The following SNTG2 variants were observed in gnomAD, a reference collection of about 807,000 sequenced individuals.
SNTG2 encodes syntrophin gamma 2, also known as gamma-2-syntrophin.
A neutral mutation model predicts 70.9 loss-of-function variants in SNTG2; 74 were observed. That is an observed-to-expected ratio of 1.04 (90% CI 0.86 to 1.27). SNTG2 has a LOEUF of 1.27. Ranked by LOEUF, SNTG2 falls within the 50% of genes most tolerant of loss-of-function variation. The pLI is 0.00. For missense variants in SNTG2, 717 were observed against 690.7 expected, an observed-to-expected ratio of 1.04 and a Z score of -0.43; for synonymous variants, 278 against 273.8, an observed-to-expected ratio of 1.02 and a Z score of -0.15.
chr2:1,300,608 C>T (rs73177779), intron 14 of SNTG2, among the ~76,000 whole-genome samples: 2,880 of 152,240 alleles, frequency 0.019, 96 homozygotes, highest in African/African-American at 0.066. Flanking sequence ...CCTTCCCATA[C>T]CCCATCCTGA....
chr2:1,310,419 G>A (rs1680922938), intron 15 of SNTG2, among the ~76,000 whole-genome samples: 1 of 152,198 alleles, frequency 6.6e-6, no homozygotes, highest in South Asian at 2.1e-4. Flanking sequence ...TTGTGATTCT[G>A]CTAGAGGGTC....
intron 16 of SNTG2, among the ~76,000 whole-genome samples, chr2:1,334,181 C>A (rs1270028773): frequency 1.3e-5 from 2 of 152,060 alleles, no homozygotes; most frequent in Non-Finnish European, 2.9e-5. Context: ...GGCCAACAAA[C>A]ATATGAAAAA....
At chr2:1,337,085 A>G (rs150467781) in intron 16 of SNTG2, among the ~76,000 whole-genome samples, 51 of 152,228 alleles carry the variant, frequency 3.4e-4, no homozygotes, top group African/African-American at 1.2e-3. Flanking sequence ...ATATTCCATT[A>G]TATGCATATA....
chr2:1,060,914 G>GA (rs1662778046), intron 1 of SNTG2, among the ~76,000 whole-genome samples: 1 of 152,008 alleles, frequency 6.6e-6, no homozygotes, highest in Admixed American at 6.5e-5. Context: ...AATTACAAAG[G>GA]AAAAAATGGT....
At chr2:1,361,836 C>T (rs10179106) in intron 16 of SNTG2, among the ~76,000 whole-genome samples, 7,228 of 47,584 alleles carry the variant, frequency 0.15, 425 homozygotes, top group East Asian at 0.29. Context: ...ATGAAAGTCA[C>T]GGATGCTGAG....
chr2:1,204,799 T>C (rs1026573013), intron 8 of SNTG2, among the ~76,000 whole-genome samples: 3 of 152,216 alleles, frequency 2.0e-5, no homozygotes, highest in African/African-American at 7.2e-5. Context: ...AGTATATAAC[T>C]ATACGGTTTG....
At chr2:1,251,814 A>G (rs1040370426) in intron 12 of SNTG2, among the ~76,000 whole-genome samples, 1 of 151,126 alleles carries the variant, frequency 6.6e-6, no homozygotes, top group African/African-American at 2.4e-5. Flanking sequence ...ACACGTGCAC[A>G]CCACTCATGC....
Position 1,316,305 on chromosome 2 carries a change from C to A in SNTG2, c.1418C>A (p.Ser473Tyr), listed in dbSNP as rs1358935480. ...TTTAAATTTTCCCAGCTTAAGGGAT[C>A]TTCAGATGATGGGAAAACTCGAGTA... is the stretch of plus-strand genomic sequence containing the variant. ...WRFKFSQLKGSSDDGKTRVKL... is the reference protein window; with the variant it reads ...WRFKFSQLKGYSDDGKTRVKL... The change falls in exon 16 of 17, where the codon TCT becomes TAT. Residue 473 changes from serine (S) to tyrosine (Y), a missense_variant. Ser to Tyr is a moderately radical substitution (Grantham distance 144, BLOSUM62 -2). Transcript: ENST00000308624. 2 of 1,550,110 alleles carry A rather than the reference C, an allele frequency of 1.3e-6. No individual in the cohort carries two copies. The highest frequency in any genetic ancestry group is 2.0e-5 in the Admixed American group (1 of 50,928).
chr2:1,189,943 A>G lies in SNTG2; in HGVS notation c.591+16760A>G, dbSNP rs528048528. On this transcript the variant is annotated intron_variant, in intron 8 of 16. Coordinates refer to ENST00000308624, the MANE Select transcript of SNTG2 (RefSeq NM_018968.4). ...GCTTAGAATAAAAAATACATTTCAC[A>G]TGGTTTAACAATTAATATATGAAGC... is the stretch of plus-strand genomic sequence containing the variant. Among the ~76,000 whole-genome samples, 5 of 152,284 alleles carry G rather than the reference A, an allele frequency of 3.3e-5. No homozygotes were observed. In the East Asian group the frequency reaches 7.7e-4, roughly 24 times the overall value.
intron 1 of SNTG2, among the ~76,000 whole-genome samples, chr2:955,361 C>T (rs1446247981): frequency 6.6e-6 from 1 of 152,226 alleles, no homozygotes; most frequent in African/African-American, 2.4e-5. Context: ...ATTATAAAAA[C>T]AATCACATAG....
chr2:1,300,678 C>T (rs1313463125), intron 14 of SNTG2, among the ~76,000 whole-genome samples: 2 of 151,636 alleles, frequency 1.3e-5, no homozygotes, highest in African/African-American at 4.9e-5. Flanking sequence ...GCTTCTTTAA[C>T]TTCATTAATT....
At position 1,279,431 on chromosome 2, in the gene SNTG2, A is replaced by G. The variant is rs142310807; in HGVS notation, c.1284+11860A>G. On this transcript the variant is annotated intron_variant, in intron 14 of 16. Transcript: ENST00000308624. Reference sequence around the variant, plus strand: ...GGAAGAAACATCGTATAGAGCACAGATAGGGTTCCTTACCTCCATGCTTTC... The same window carrying G: ...GGAAGAAACATCGTATAGAGCACAGGTAGGGTTCCTTACCTCCATGCTTTC... 1.2e-4 allele frequency among the ~76,000 whole-genome samples: 19 copies of G among 152,382 alleles called. No homozygotes were observed. In the East Asian group the frequency reaches 3.5e-3, roughly 28 times the overall value.
intron 8 of SNTG2, among the ~76,000 whole-genome samples, chr2:1,176,250 A>T (rs1671467996): frequency 6.6e-6 from 1 of 152,194 alleles, no homozygotes; most frequent in Non-Finnish European, 1.5e-5. Context: ...AAATAGCTTT[A>T]ATATGTTCGT....
chr2:1,246,331 C>T (rs1448502462), intron 11 of SNTG2, among the ~76,000 whole-genome samples: 1 of 152,168 alleles, frequency 6.6e-6, no homozygotes, highest in African/African-American at 2.4e-5. Context: ...GAAGTCTCTC[C>T]AGCTTAAGAG....
At chr2:1,228,795 A>G (rs1225567843) in intron 9 of SNTG2, among the ~76,000 whole-genome samples, 1 of 152,084 alleles carries the variant, frequency 6.6e-6, no homozygotes, top group African/African-American at 2.4e-5. Flanking sequence ...GAAGCCGCGG[A>G]CCCTCGCGGT....
chr2:1,077,933 C>T (rs1042047569), intron 1 of SNTG2, among the ~76,000 whole-genome samples: 14 of 152,116 alleles, frequency 9.2e-5, no homozygotes, highest in African/African-American at 1.9e-4. Flanking sequence ...CTGGTGCTGA[C>T]GCGGGTTCAC....
chr2:1,135,387 G>A (rs946439328), intron 4 of SNTG2, among the ~76,000 whole-genome samples: 3 of 152,204 alleles, frequency 2.0e-5, no homozygotes, highest in East Asian at 1.9e-4. Flanking sequence ...AAGAGGTTAA[G>A]TCATTTACTG....
In SNTG2 at chr2:1,068,201, G is replaced by A. The variant is rs573926173; in HGVS notation, c.73-15317G>A. The A allele has an allele frequency of 7.4e-4, 112 of 152,296 alleles. 1 individual carries two copies. Among genetic ancestry groups the A allele is most frequent in the African/African-American group, 2.6e-3 (109 of 41,566 alleles). 9.4% of individuals were successfully genotyped at this position (152,296 alleles called of 1,614,324 possible). On this transcript the variant is annotated intron_variant, in intron 1 of 16. Coordinates refer to ENST00000308624, the MANE Select transcript of SNTG2 (RefSeq NM_018968.4). ...TGTCACCCAATAATCCAAGGAGGGA[G>A]AGTCACTTTCCCACAGATCCTCACA... is the stretch of plus-strand genomic sequence containing the variant.
rs189790868 is a variant in SNTG2, at chr2:1,264,466, G to A, written c.1078-2899G>A. On this transcript the variant is annotated intron_variant, in intron 13 of 16. Transcript: ENST00000308624. ...TAACGTAAACCTTGAATAACACCCCGGGACCCACACGAAGTGCCACAAGGG... is the reference window on the plus strand; with the variant it reads ...TAACGTAAACCTTGAATAACACCCCAGGACCCACACGAAGTGCCACAAGGG... Among the ~76,000 whole-genome samples the A allele has an allele frequency of 1.1e-4, 17 of 152,232 alleles. No homozygotes were observed. The South Asian group carries it at 1.5e-3, about 13-fold the overall frequency.
Sources: gnomAD v4.1 joint callset for allele counts (sites outside exome capture counted in the v4.1 genomes callset) on GRCh38, gnomAD v4.1.1 for gene constraint, MANE v1.5 for transcripts, NCBI Gene and HGNC (gene_info 2026-07-23, HGNC 2026-07-21) for gene names.